Variants in ABTB3 observed in about 807,000 individuals in gnomAD.
The protein encoded by ABTB3 is ankyrin repeat- and BTB/POZ domain-containing protein 3.
chr12:107,319,063 G>A, the ABTB3 span: 78 of 1,613,374 alleles, frequency 4.8e-5, no homozygotes, highest in South Asian at 7.8e-4. Context: ...GTTCCGACTC[G>A]CACCCGGCGT....
the ABTB3 span, among the ~76,000 whole-genome samples, chr12:107,332,142 C>A: frequency 2.0e-5 from 3 of 152,202 alleles, no homozygotes; most frequent in African/African-American, 7.2e-5. Flanking sequence ...CCCAGGAGGG[C>A]GGGCTCCTGC....
At chr12:107,655,317 C>CA in the ABTB3 span, among the ~76,000 whole-genome samples, 1 of 151,830 alleles carries the variant, frequency 6.6e-6, no homozygotes, top group Non-Finnish European at 1.5e-5. Flanking sequence ...TTGGCTTTTA[C>CA]AGACAACAGC....
At chr12:107,411,302 C>G in the ABTB3 span, among the ~76,000 whole-genome samples, 63 of 152,190 alleles carry the variant, frequency 4.1e-4, no homozygotes, top group African/African-American at 1.5e-3. Flanking sequence ...CCGTCTCCCC[C>G]CTCCAAAAAA....
chr12:107,508,265 A>G, the ABTB3 span, among the ~76,000 whole-genome samples: 3 of 151,744 alleles, frequency 2.0e-5, no homozygotes, highest in African/African-American at 7.3e-5. Context: ...AAGGATGATC[A>G]GACATATGGA....
the ABTB3 span, among the ~76,000 whole-genome samples, chr12:107,343,193 T>C: frequency 6.6e-6 from 1 of 151,976 alleles, no homozygotes; most frequent in Non-Finnish European, 1.5e-5. Flanking sequence ...TTTTTGGTTT[T>C]TTATAGAAAT....
chr12:107,371,634 T>C, the ABTB3 span, among the ~76,000 whole-genome samples: 1 of 152,200 alleles, frequency 6.6e-6, no homozygotes, highest in African/African-American at 2.4e-5. Flanking sequence ...TCAAGATAGA[T>C]TATGAAATTG....
At chr12:107,597,542 A>G in the ABTB3 span, among the ~76,000 whole-genome samples, 1 of 152,224 alleles carries the variant, frequency 6.6e-6, no homozygotes, top group African/African-American at 2.4e-5. Context: ...CAGAGCTCTT[A>G]TCACCTAATC....
At chr12:107,593,144 G>A in the ABTB3 span, among the ~76,000 whole-genome samples, 2 of 152,170 alleles carry the variant, frequency 1.3e-5, no homozygotes, top group Non-Finnish European at 2.9e-5. Context: ...TTACCATAGA[G>A]CAGGGGTGAG....
the ABTB3 span, among the ~76,000 whole-genome samples, chr12:107,448,084 C>G: frequency 6.6e-6 from 1 of 152,142 alleles, no homozygotes; most frequent in African/African-American, 2.4e-5. Flanking sequence ...TCTGTAATCC[C>G]CATTTTAGAG....
chr12:107,398,409 T>A, the ABTB3 span, among the ~76,000 whole-genome samples: 2 of 152,242 alleles, frequency 1.3e-5, no homozygotes, highest in Non-Finnish European at 2.9e-5. Context: ...AGGGAAAGAT[T>A]TAAAGTATCC....
the ABTB3 span, among the ~76,000 whole-genome samples, chr12:107,478,213 G>C: frequency 6.6e-6 from 1 of 152,184 alleles, no homozygotes. Flanking sequence ...TTGTGTCAGG[G>C]CTGAAACTAT....
the ABTB3 span, among the ~76,000 whole-genome samples, chr12:107,344,214 C>T: frequency 4.6e-5 from 7 of 152,110 alleles, no homozygotes; most frequent in Non-Finnish European, 8.8e-5. Context: ...TTTTAAGCAG[C>T]GTCACTGGAT....
At chr12:107,615,582 G>A in the ABTB3 span, among the ~76,000 whole-genome samples, 2 of 152,224 alleles carry the variant, frequency 1.3e-5, no homozygotes, top group African/African-American at 4.8e-5. Context: ...GTGGGAAGAA[G>A]CATCCAAGAC....
chr12:107,630,100 T>G, the ABTB3 span, among the ~76,000 whole-genome samples: 4 of 152,120 alleles, frequency 2.6e-5, no homozygotes, highest in Admixed American at 2.6e-4. Flanking sequence ...ATGGACAGAT[T>G]CAAGGATGCA....
chr12:107,469,902 CTTTCTTTCTTTCTTTCTT>C, the ABTB3 span, among the ~76,000 whole-genome samples: 2 of 106,052 alleles, frequency 1.9e-5, no homozygotes, highest in African/African-American at 4.3e-5. Flanking sequence ...TTCTTTCTTT[CTTTCTTTCTTTCTTTCTT>C]TCTCTCTCTC....
the ABTB3 span, among the ~76,000 whole-genome samples, chr12:107,516,892 C>T: frequency 6.6e-6 from 1 of 152,178 alleles, no homozygotes; most frequent in Non-Finnish European, 1.5e-5. Flanking sequence ...TTTGTCCATG[C>T]CAGTGTCATC....
the ABTB3 span, among the ~76,000 whole-genome samples, chr12:107,540,923 C>G: frequency 6.6e-6 from 1 of 152,122 alleles, no homozygotes; most frequent in African/African-American, 2.4e-5. Context: ...ATCGCTTGAG[C>G]CCAGGCTGCA....
At chr12:107,390,731 A>AT in the ABTB3 span, among the ~76,000 whole-genome samples, 1 of 152,340 alleles carries the variant, frequency 6.6e-6, no homozygotes, top group Non-Finnish European at 1.5e-5. Context: ...AGAAAGTGGG[A>AT]TTTTAAAAAA....
At chr12:107,657,844 C>A in the ABTB3 span, 234 of 878,766 alleles carry the variant, frequency 2.7e-4, no homozygotes, top group Middle Eastern at 3.5e-4. Context: ...GCCTCTACTG[C>A]TCCCACGTGT....
Sources: gnomAD v4.1 joint callset for allele counts (sites outside exome capture counted in the v4.1 genomes callset) on GRCh38, gnomAD v4.1.1 for gene constraint, MANE v1.5 for transcripts, NCBI Gene and HGNC (gene_info 2026-07-23, HGNC 2026-07-21) for gene names.